Variants in PCCA observed in about 807,000 individuals in gnomAD.
PCCA encodes the protein propionyl-CoA carboxylase alpha chain, mitochondrial.
PCCA carries 74 observed loss-of-function variants against 101.3 expected under a neutral mutation model. That is an observed-to-expected ratio of 0.73 (90% confidence interval 0.61 to 0.89). The LOEUF is 0.89. Ranked by LOEUF, PCCA falls within the 40% of genes least tolerant of loss-of-function variation. The pLI is 0.00. For missense variants in PCCA, 891 were observed against 907.0 expected (o/e 0.98, Z 0.23); for synonymous variants, 294 against 313.6 (o/e 0.94, Z 0.66).
chr13:100,158,050 A>G (rs749226333), intron 6 of PCCA, among the ~76,000 whole-genome samples: 3 of 152,210 alleles, frequency 2.0e-5, no homozygotes, highest in Non-Finnish European at 4.4e-5. Context: ...CACAGAGTCT[A>G]CTTACAGAAA....
intron 21 of PCCA, chr13:100,464,303 A>C (rs190356030): frequency 7.9e-5 from 12 of 152,272 alleles, no homozygotes; most frequent in Admixed American, 2.6e-4. Flanking sequence ...TAGCTTTGTG[A>C]ATTTGAACAG....
intron 6 of PCCA, among the ~76,000 whole-genome samples, chr13:100,167,774 T>C (rs1282936647): frequency 6.6e-6 from 1 of 152,114 alleles, no homozygotes; most frequent in African/African-American, 2.4e-5. Flanking sequence ...GGTTATCCCT[T>C]CCTCTTTGAA....
intron 4 of PCCA, among the ~76,000 whole-genome samples, chr13:100,118,739 G>A (rs1490406810): frequency 2.0e-5 from 3 of 151,950 alleles, no homozygotes; most frequent in African/African-American, 4.8e-5. Flanking sequence ...TGTAAAGATG[G>A]GGTTTCACCA....
chr13:100,316,341 T>A (rs1042934302), intron 16 of PCCA, among the ~76,000 whole-genome samples: 3 of 152,230 alleles, frequency 2.0e-5, no homozygotes, highest in African/African-American at 7.2e-5. Flanking sequence ...TATTTACTAT[T>A]CAAGTAGAAA....
chr13:100,374,168 T>C (rs2075755922), intron 19 of PCCA, among the ~76,000 whole-genome samples: 1 of 152,084 alleles, frequency 6.6e-6, no homozygotes, highest in East Asian at 1.9e-4. Flanking sequence ...TTCTGGGAAA[T>C]GAATGCATGG....
intron 7 of PCCA, among the ~76,000 whole-genome samples, chr13:100,224,896 G>A (rs1269324079): frequency 6.6e-6 from 1 of 152,204 alleles, no homozygotes; most frequent in African/African-American, 2.4e-5. Flanking sequence ...TGTAGTATGA[G>A]GGGCTGCAGT....
At chr13:100,318,781 G>A (rs1256404956) in intron 16 of PCCA, among the ~76,000 whole-genome samples, 1 of 152,086 alleles carries the variant, frequency 6.6e-6, no homozygotes, top group Non-Finnish European at 1.5e-5. Context: ...GAATAGTGCT[G>A]CAATAAACAT....
At chr13:100,295,754 A>C (rs1417555656) in intron 12 of PCCA, among the ~76,000 whole-genome samples, 2 of 152,218 alleles carry the variant, frequency 1.3e-5, no homozygotes, top group African/African-American at 4.8e-5. Flanking sequence ...CAGCTGCCAA[A>C]TAATTAGAGC....
At chr13:100,092,388 C>CT (rs553592520) in intron 1 of PCCA, among the ~76,000 whole-genome samples, 113 of 135,154 alleles carry the variant, frequency 8.4e-4, no homozygotes, top group East Asian at 5.6e-3. Context: ...TTCTTTCTTC[C>CT]TTTTTTTTTT....
chr13:100,509,821 T>TG (rs1210157923), intron 21 of PCCA, among the ~76,000 whole-genome samples: 1 of 71,620 alleles, frequency 1.4e-5, no homozygotes, highest in Non-Finnish European at 3.3e-5. Context: ...TTTTGTTTTG[T>TG]GTTTTTTTTG....
At chr13:100,444,792 C>T (rs2080687511) in intron 20 of PCCA, among the ~76,000 whole-genome samples, 1 of 152,094 alleles carries the variant, frequency 6.6e-6, no homozygotes, top group Non-Finnish European at 1.5e-5. Context: ...TCCCAAAGTG[C>T]TGGGATTATA....
chr13:100,452,096 C>T (rs890623251), intron 21 of PCCA, among the ~76,000 whole-genome samples: 8 of 123,642 alleles, frequency 6.5e-5, no homozygotes, highest in Admixed American at 5.4e-4. Flanking sequence ...TCCTCTTCCT[C>T]CTCTTCCTTT....
chr13:100,435,346 C>T (rs571877477), intron 20 of PCCA, among the ~76,000 whole-genome samples: 1 of 152,300 alleles, frequency 6.6e-6, no homozygotes, highest in Non-Finnish European at 1.5e-5. Context: ...ATCCAAACAC[C>T]TCCCACCAGG....
At chr13:100,185,558 G>T (rs1050985902) in intron 6 of PCCA, among the ~76,000 whole-genome samples, 1 of 152,058 alleles carries the variant, frequency 6.6e-6, no homozygotes, top group South Asian at 2.1e-4. Context: ...TGTTGCCCAG[G>T]CTGGTCTTGA....
intron 12 of PCCA, among the ~76,000 whole-genome samples, chr13:100,288,562 C>T (rs746817727): frequency 1.4e-4 from 21 of 152,182 alleles, no homozygotes; most frequent in Admixed American, 9.8e-4. Context: ...ATTATAGCCC[C>T]GTGCCAGGGC....
At chr13:100,094,313 A>G (rs1258147274) in intron 1 of PCCA, among the ~76,000 whole-genome samples, 1 of 152,080 alleles carries the variant, frequency 6.6e-6, no homozygotes, top group Non-Finnish European at 1.5e-5. Context: ...GTAGCATGGT[A>G]AAGTGTTATA....
intron 19 of PCCA, among the ~76,000 whole-genome samples, chr13:100,421,565 G>A (rs1056528336): frequency 6.6e-6 from 1 of 151,908 alleles, no homozygotes; most frequent in African/African-American, 2.4e-5. Flanking sequence ...TAAAATTGGG[G>A]GACAACATTT....
At chr13:100,186,165 C>T (rs532249444) in intron 6 of PCCA, among the ~76,000 whole-genome samples, 6 of 152,118 alleles carry the variant, frequency 3.9e-5, no homozygotes, top group South Asian at 2.1e-4. Flanking sequence ...CTTTGTGTGG[C>T]GTTATACAAG....
intron 18 of PCCA, among the ~76,000 whole-genome samples, chr13:100,349,091 C>T (rs1483769592): frequency 6.6e-6 from 1 of 151,642 alleles, no homozygotes; most frequent in Non-Finnish European, 1.5e-5. Context: ...TACAGGCATG[C>T]ACCGCCAGGC....
Sources: allele counts gnomAD v4.1 joint callset (sites outside exome capture counted in the v4.1 genomes callset), GRCh38; gene constraint gnomAD v4.1.1; transcripts MANE v1.5; gene names NCBI Gene and HGNC (gene_info 2026-07-23, HGNC 2026-07-21).